PDZRN3: variants seen among roughly 807,000 people sequenced by gnomAD.
The protein encoded by PDZRN3 is PDZ domain containing ring finger 3.
In PDZRN3, 38 loss-of-function variants were observed where a neutral mutation model predicts 85.7. The observed-to-expected ratio is 0.44, with a 90% CI of 0.34 to 0.58. The LOEUF (loss-of-function observed/expected upper bound fraction) is 0.58, where lower values mean the gene tolerates loss of function less well. Ranked by LOEUF, PDZRN3 falls within the 20% of genes least tolerant of loss-of-function variation. The probability of loss-of-function intolerance (pLI) is 0.01; values close to 1 mark genes in which losing one functional copy is unlikely to be tolerated. For missense variants in PDZRN3, 1,629 were observed against 1,506.4 expected, an observed-to-expected ratio of 1.08 and a Z score of -1.35; for synonymous variants, 759 against 638.0, an observed-to-expected ratio of 1.19 and a Z score of -2.86.
chr3:73,461,388 G>GAAATCTCAA (rs1703099988), intron 3 of PDZRN3, among the ~76,000 whole-genome samples: 1 of 152,192 alleles, frequency 6.6e-6, no homozygotes, highest in South Asian at 2.1e-4. Context: ...GGAGACCAAA[G>GAAATCTCAA]AAATCTCAAA....
chr3:73,505,325 C>A (rs1704051734), intron 3 of PDZRN3, among the ~76,000 whole-genome samples: 1 of 152,096 alleles, frequency 6.6e-6, no homozygotes, highest in African/African-American at 2.4e-5. Context: ...GGATTCAAGG[C>A]ACAGAATTAA....
intron 1 of PDZRN3, among the ~76,000 whole-genome samples, chr3:73,610,610 T>C (rs1702668550): frequency 6.6e-6 from 1 of 152,234 alleles, no homozygotes; most frequent in African/African-American, 2.4e-5. Flanking sequence ...AAGTTAGAAA[T>C]ACATGGGAAT....
At chr3:73,475,607 C>T (rs796835231) in intron 3 of PDZRN3, among the ~76,000 whole-genome samples, 1 of 152,348 alleles carries the variant, frequency 6.6e-6, no homozygotes, top group African/African-American at 2.4e-5. Flanking sequence ...TAAGGGAATA[C>T]TGCAGTGAAT....
intron 3 of PDZRN3, among the ~76,000 whole-genome samples, chr3:73,543,192 C>T (rs966665606): frequency 4.6e-5 from 7 of 152,142 alleles, no homozygotes; most frequent in African/African-American, 1.7e-4. Flanking sequence ...AGAAAGGGGA[C>T]AAAGGATTTG....
chr3:73,624,610 C>T lies in PDZRN3; in HGVS notation c.216G>A (p.Lys72=). The stretch of plus-strand genomic sequence containing the variant: ...TGATGTCCAGCTTGAGGATAAGGCG[C>T]TTGAGCGGCAGGACGTGGTTGAGCT... ...AKELNHVLPL[K]RLILKLDIKC... The change falls in exon 1 of 10, where the codon AAG becomes AAA. Residue 72 remains lysine (K), a synonymous_variant. Transcript: ENST00000263666. 6.4e-7 allele frequency: 1 copy of T among 1,560,358 alleles called. No homozygotes were observed.
At chr3:73,538,179 A>G (rs1160753657) in intron 3 of PDZRN3, among the ~76,000 whole-genome samples, 3 of 152,166 alleles carry the variant, frequency 2.0e-5, no homozygotes, top group Non-Finnish European at 2.9e-5. Flanking sequence ...TTCTACTTTA[A>G]TTTTACACTT....
intron 3 of PDZRN3, among the ~76,000 whole-genome samples, chr3:73,601,571 TG>T (rs1702516198): frequency 6.6e-6 from 1 of 152,084 alleles, no homozygotes; most frequent in African/African-American, 2.4e-5. Context: ...GCTATGAAAA[TG>T]GTCAAAACAC....
Position 73,393,702 on chromosome 3 carries a change from A to G in PDZRN3, c.1255-2586T>C, listed in dbSNP as rs569364811. Among the ~76,000 whole-genome samples, 247 of 152,280 alleles carry G rather than the reference A, an allele frequency of 1.6e-3. 1 individual carries two copies. The highest frequency in any genetic ancestry group is 2.7e-3 in the Non-Finnish European group (187 of 68,028). On this transcript the variant is annotated intron_variant, in intron 5 of 9. Transcript: ENST00000263666. ...TTGAGTGTTCCATTTGAGAGGTGTA[A>G]GGTATGAGTATTTTCGTTCCTTGCT...
intron 3 of PDZRN3, among the ~76,000 whole-genome samples, chr3:73,508,699 G>C (rs1575698587): frequency 1.3e-5 from 2 of 152,180 alleles, no homozygotes; most frequent in African/African-American, 4.8e-5. Flanking sequence ...AATGTAAACA[G>C]GGTCTTTCAT....
chr3:73,477,925 T>A (rs1575680096), intron 3 of PDZRN3, among the ~76,000 whole-genome samples: 1 of 152,086 alleles, frequency 6.6e-6, no homozygotes, highest in Non-Finnish European at 1.5e-5. Context: ...AACCATCAGA[T>A]CTTGTGAGAC....
chr3:73,453,401 T>C (rs1575664228), intron 3 of PDZRN3, among the ~76,000 whole-genome samples: 1 of 87,182 alleles, frequency 1.1e-5, no homozygotes, highest in Non-Finnish European at 2.0e-5. Flanking sequence ...TGAGACTTCG[T>C]CTCAAAAAAA....
At chr3:73,497,790 G>A (rs544896075) in intron 3 of PDZRN3, among the ~76,000 whole-genome samples, 9 of 151,310 alleles carry the variant, frequency 5.9e-5, no homozygotes, top group Non-Finnish European at 8.8e-5. Flanking sequence ...ATTTAGGGCC[G>A]GCACAGCGCC....
At chr3:73,575,288 C>A (rs1702106503) in intron 3 of PDZRN3, among the ~76,000 whole-genome samples, 1 of 152,092 alleles carries the variant, frequency 6.6e-6, no homozygotes, top group Non-Finnish European at 1.5e-5. Context: ...CCTGGAAGAG[C>A]CATCCTTGCA....
chr3:73,556,191 A>G (rs1701690602), intron 3 of PDZRN3, among the ~76,000 whole-genome samples: 1 of 152,216 alleles, frequency 6.6e-6, no homozygotes. Context: ...CACATTTAAT[A>G]AGTAATAATC....
intron 3 of PDZRN3, among the ~76,000 whole-genome samples, chr3:73,597,840 T>C (rs1042126313): frequency 1.3e-5 from 2 of 152,018 alleles, no homozygotes; most frequent in Non-Finnish European, 2.9e-5. Context: ...AGTTTCTCGG[T>C]GTTTTCTCAG....
intron 3 of PDZRN3, 176 bp from the exon 4 acceptor site, chr3:73,404,571 A>G (rs1342221197): frequency 1.6e-6 from 1 of 625,556 alleles, no homozygotes; most frequent in African/African-American, 1.8e-5. Flanking sequence ...GTGGAAAGAG[A>G]GTGAGTTTGG....
intron 1 of PDZRN3, among the ~76,000 whole-genome samples, chr3:73,617,456 C>T (rs934944001): frequency 3.9e-5 from 6 of 152,166 alleles, no homozygotes; most frequent in Admixed American, 3.9e-4. Context: ...AAGACTTGTG[C>T]TTTCAAAGGC....
At chr3:73,483,201 C>T (rs1441434598) in intron 3 of PDZRN3, among the ~76,000 whole-genome samples, 5 of 152,188 alleles carry the variant, frequency 3.3e-5, no homozygotes, top group African/African-American at 7.2e-5. Context: ...GAAAAATCTA[C>T]AAGGATGAAG....
At chr3:73,390,662 A>T (rs200750374) in intron 6 of PDZRN3, among the ~76,000 whole-genome samples, 3 of 105,802 alleles carry the variant, frequency 2.8e-5, no homozygotes, top group Admixed American at 9.9e-5. Flanking sequence ...TGTGAGAGAG[A>T]GAGAGAGAGA....
Sources: gnomAD v4.1 joint callset for allele counts (sites outside exome capture counted in the v4.1 genomes callset) on GRCh38, gnomAD v4.1.1 for gene constraint, MANE v1.5 for transcripts, NCBI Gene and HGNC (gene_info 2026-07-23, HGNC 2026-07-21) for gene names.